The following ADGRL3 variants were observed in gnomAD, a reference collection of about 807,000 sequenced individuals.
The protein encoded by ADGRL3 is adhesion G protein-coupled receptor L3, also known as calcium-independent alpha-latrotoxin receptor 3.
ADGRL3 carries 62 observed loss-of-function variants against 153.5 expected under a neutral mutation model. The ratio of observed to expected loss-of-function variants is 0.40; its 90% CI spans 0.33 to 0.50. The LOEUF (loss-of-function observed/expected upper bound fraction) is 0.50, where lower values mean the gene tolerates loss of function less well. Among genes scored for constraint, ADGRL3 ranks in the 20% least tolerant of loss-of-function variants. The pLI is 0.47. For synonymous variants in ADGRL3, 710 were observed against 672.5 expected (o/e 1.06, Z -0.86); for missense variants, 1,641 against 1,859.4 (o/e 0.88, Z 2.16).
At chr4:61,405,556 A>T (rs1228411861) in intron 2 of ADGRL3, among the ~76,000 whole-genome samples, 3 of 151,986 alleles carry the variant, frequency 2.0e-5, no homozygotes, top group Non-Finnish European at 1.5e-5. Context: ...TCTGGCAAAC[A>T]TCACTTATTT....
rs373010574 is a variant in ADGRL3 at position 61,517,673 on chromosome 4, A to AT, written c.259+165dup. 3.1e-3 allele frequency among the ~76,000 whole-genome samples: 457 copies of AT among 148,318 alleles called. 6 individuals carry two copies. The highest frequency in any genetic ancestry group is 9.1e-3 in the African/African-American group (371 of 40,642). ...ATTACCACTTAGTGATATCCTGGCC[A>AT]TTTTTTTTTTAAGGCTTATACAATG... is the stretch of plus-strand genomic sequence containing the variant. On this transcript the variant is annotated intron_variant, in intron 4 of 26. Transcript: ENST00000683033.
At chr4:61,615,218 C>A (rs2091860740) in intron 5 of ADGRL3, among the ~76,000 whole-genome samples, 1 of 152,046 alleles carries the variant, frequency 6.6e-6, no homozygotes, top group African/African-American at 2.4e-5. Context: ...AGAAATAACT[C>A]TTCCGAATTT....
chr4:61,432,694 C>T (rs28677102), intron 2 of ADGRL3, among the ~76,000 whole-genome samples: 33,648 of 100,798 alleles, frequency 0.33, 8,861 homozygotes, highest in Middle Eastern at 0.59. Flanking sequence ...ACTCTTGTTG[C>T]CCAGGCTGGA....
intron 2 of ADGRL3, among the ~76,000 whole-genome samples, chr4:61,406,009 TCAAA>T (rs1392092997): frequency 6.6e-6 from 1 of 151,982 alleles, no homozygotes; most frequent in Non-Finnish European, 1.5e-5. Context: ...TAAACAAACT[TCAAA>T]CATTTTATAC....
rs1317089787 is a variant in ADGRL3 at position 61,734,642 on chromosome 4, T to C, written c.1399+1088T>C. Among the ~76,000 whole-genome samples the C allele has an allele frequency of 2.0e-5, 3 of 152,198 alleles. No individual in the cohort carries two copies. In the East Asian group the frequency reaches 5.8e-4, roughly 30 times the overall value. On this transcript the variant is annotated intron_variant, in intron 8 of 26. Coordinates refer to ENST00000683033, the MANE Select transcript of ADGRL3 (RefSeq NM_001387552.1). ...GTCCTGCCCTCCACATGTGGGGATA[T>C]GGTGATTACAATTCAAGATGAGATT... is the stretch of plus-strand genomic sequence containing the variant.
rs140825339 is a variant in ADGRL3, at chr4:61,813,650, G to A, written c.1400-159G>A. Among the ~76,000 whole-genome samples, 348 of 152,142 alleles carry A rather than the reference G, an allele frequency of 2.3e-3. 4 individuals are homozygous for A. Among genetic ancestry groups the A allele is most frequent in the South Asian group, 0.02 (95 of 4,822 alleles). On this transcript the variant is annotated intron_variant, in intron 8 of 26. Transcript: ENST00000683033. ...GCACTGCTTTAATTGGGTGATGTTC[G>A]GATGACACATTGTTTTTATGTTTGG...
At chr4:62,060,833 A>G (rs2151856486) in intron 25 of ADGRL3, among the ~76,000 whole-genome samples, 1 of 152,036 alleles carries the variant, frequency 6.6e-6, no homozygotes, top group South Asian at 2.1e-4. Context: ...TACACAATAG[A>G]TTGAAAATCT....
intron 13 of ADGRL3, among the ~76,000 whole-genome samples, chr4:61,925,218 TA>T (rs1162664139): frequency 6.6e-6 from 1 of 152,258 alleles, no homozygotes; most frequent in East Asian, 1.9e-4. Flanking sequence ...TTTTTGAAAC[TA>T]AGGAAAACCC....
intron 5 of ADGRL3, among the ~76,000 whole-genome samples, chr4:61,640,807 T>C (rs2093631728): frequency 1.3e-5 from 2 of 152,168 alleles, no homozygotes; most frequent in South Asian, 4.1e-4. Context: ...GATGGGCTCT[T>C]TTGTTTTGTT....
chr4:61,278,254 C>T (rs1188644483), intron 1 of ADGRL3, among the ~76,000 whole-genome samples: 1 of 152,114 alleles, frequency 6.6e-6, no homozygotes, highest in Non-Finnish European at 1.5e-5. Context: ...CTCTTGCTCC[C>T]TGACAGACAT....
At chr4:61,913,725 G>A (rs1487834158) in intron 13 of ADGRL3, among the ~76,000 whole-genome samples, 5 of 151,734 alleles carry the variant, frequency 3.3e-5, no homozygotes, top group South Asian at 2.1e-4. Context: ...ATTCACATCC[G>A]CTATCCTCGG....
chr4:61,922,796 G>A (rs916950705), intron 13 of ADGRL3, among the ~76,000 whole-genome samples: 1 of 152,152 alleles, frequency 6.6e-6, no homozygotes, highest in African/African-American at 2.4e-5. Context: ...CTGTCTCGTA[G>A]GGCTCAAACC....
intron 5 of ADGRL3, among the ~76,000 whole-genome samples, chr4:61,629,060 G>A (rs2092999231): frequency 1.3e-5 from 2 of 152,138 alleles, no homozygotes; most frequent in Non-Finnish European, 2.9e-5. Context: ...TGAGACTTTG[G>A]TGAGAATGAT....
chr4:61,200,808 G>T lies in ADGRL3; in HGVS notation c.-1197G>T, dbSNP rs973870370. ...GAAGAGACAGCGGCGGCGGCGCAGA[G>T]CCCGGGGCCGCGCGATGAAGCTCCC... On this transcript the variant is annotated 5_prime_UTR_variant, in exon 1 of 27. Coordinates refer to ENST00000683033, the MANE Select transcript of ADGRL3 (RefSeq NM_001387552.1). Among the ~76,000 whole-genome samples the T allele has an allele frequency of 2.0e-5, 3 of 150,712 alleles. No homozygotes were observed. In the East Asian group the frequency reaches 6.1e-4, roughly 31 times the overall value.
chr4:61,350,807 G>A (rs1204315220), intron 1 of ADGRL3, among the ~76,000 whole-genome samples: 1 of 152,094 alleles, frequency 6.6e-6, no homozygotes, highest in Non-Finnish European at 1.5e-5. Context: ...TGCTCCTTGA[G>A]CCGGCTGTTT....
chr4:61,757,214 CCT>C (rs2096845509), intron 8 of ADGRL3, among the ~76,000 whole-genome samples: 1 of 152,106 alleles, frequency 6.6e-6, no homozygotes, highest in South Asian at 2.1e-4. Context: ...CCTCCTTGTT[CCT>C]CTGGTAGAAT....
chr4:61,712,223 G>A (rs2096007707), intron 6 of ADGRL3, among the ~76,000 whole-genome samples: 1 of 151,878 alleles, frequency 6.6e-6, no homozygotes, highest in African/African-American at 2.4e-5. Context: ...TTGAGACCCT[G>A]TCTCTACAAT....
At chr4:61,329,210 C>T (rs933443323) in intron 1 of ADGRL3, among the ~76,000 whole-genome samples, 4 of 152,130 alleles carry the variant, frequency 2.6e-5, no homozygotes, top group African/African-American at 9.7e-5. Flanking sequence ...ATGAGTCTTA[C>T]TGATGCAGTT....
At position 61,370,706 on chromosome 4, in the gene ADGRL3, G is replaced by A. The variant is rs978590531; in HGVS notation, c.-239-12418G>A. Among the ~76,000 whole-genome samples, 56 of 151,760 alleles carry A rather than the reference G, an allele frequency of 3.7e-4. 2 individuals are homozygous for A. Among genetic ancestry groups the A allele is most frequent in the Middle Eastern group, 3.4e-3 (1 of 294 alleles). On this transcript the variant is annotated intron_variant, in intron 1 of 26. Coordinates refer to ENST00000683033, the MANE Select transcript of ADGRL3 (RefSeq NM_001387552.1). ...TGGTGCTGAAAAAAATGTATATTCTGTTGATTTGGGGTGGAGAGTTCTGTA... is the reference window on the plus strand; with the variant it reads ...TGGTGCTGAAAAAAATGTATATTCTATTGATTTGGGGTGGAGAGTTCTGTA...
Sources: allele counts gnomAD v4.1 joint callset (sites outside exome capture counted in the v4.1 genomes callset), GRCh38; gene constraint gnomAD v4.1.1; transcripts MANE v1.5; gene names NCBI Gene and HGNC (gene_info 2026-07-23, HGNC 2026-07-21).